The following PDLIM2 variants were observed in gnomAD, a reference collection of about 807,000 sequenced individuals.
PDLIM2 encodes PDZ and LIM domain 2, also known as PDZ and LIM domain protein 2.
Under a neutral mutation model 54.1 loss-of-function variants are expected in PDLIM2, and 51 were observed. The ratio of observed to expected loss-of-function variants is 0.94; its 90% CI spans 0.75 to 1.19. PDLIM2 has a LOEUF of 1.19. PDLIM2 is among the 50% of genes most tolerant of loss of function. PDLIM2 has a pLI of 0.00. For missense variants in PDLIM2, 912 were observed against 874.0 expected (o/e 1.04, Z -0.55); for synonymous variants, 398 against 385.6 (o/e 1.03, Z -0.38).
downstream of PDLIM2, chr8:22,594,436 C>G (rs1042613621): frequency 1.2e-5 from 19 of 1,597,662 alleles, no homozygotes; most frequent in African/African-American, 2.7e-5. Flanking sequence ...TGCCAGTTGC[C>G]TGCACCTGAC....
exon 10 of PDLIM2, chr8:22,593,950 G>A: frequency 6.5e-7 from 1 of 1,535,592 alleles, no homozygotes; most frequent in Non-Finnish European, 8.8e-7. Flanking sequence ...CTGGGCCAGG[G>A]TCATGCCTAT....
Position 22,580,710 on chromosome 8 carries a change from G to T in PDLIM2, c.843+13G>T, listed in dbSNP as rs1420558808. 1.2e-6 allele frequency: 2 copies of T among 1,613,000 alleles called. No individual in the cohort carries two copies. The highest frequency in any genetic ancestry group is 2.2e-5 in the South Asian group (2 of 91,050). ...CATGGTGACTAAGGTAAGGATGGTG[G>T]CTCAAAGAGATGAGAAGGTCCTGCC... On this transcript the variant is annotated intron_variant, in intron 2 of 9. Coordinates refer to ENST00000308354, the Ensembl canonical transcript of PDLIM2.
rs939319743 is a variant in PDLIM2, at chr8:22,585,134, C to T, written c.1183C>T (p.Leu395Phe). 4.3e-6 allele frequency: 7 copies of T among 1,613,704 alleles called. No individual in the cohort carries two copies. Among genetic ancestry groups the T allele is most frequent in the Non-Finnish European group, 5.9e-6 (7 of 1,179,992 alleles). Residue 395 changes from leucine (L) to phenylalanine (F), a missense_variant, in exon 5 of 10, where the codon CTC becomes TTC. Physicochemically the swap from Leu to Phe is conservative, Grantham distance 22 (BLOSUM62 0). Coordinates refer to ENST00000308354, the Ensembl canonical transcript of PDLIM2. ...CTCACCACCACCCTCTAGCAGCTCC[C>T]TCACTGGAGAGGCAGCCATCAGCCG...
downstream of PDLIM2, chr8:22,596,226 G>A (rs1287539315): frequency 6.6e-6 from 1 of 152,344 alleles, no homozygotes; most frequent in Non-Finnish European, 1.5e-5. Context: ...TAGGAGTGGA[G>A]GGGGATAAGT....
downstream of PDLIM2, chr8:22,594,364 G>A (rs1800637788): frequency 1.3e-6 from 2 of 1,491,540 alleles, no homozygotes; most frequent in Non-Finnish European, 8.9e-7. Context: ...ACCACTGGGT[G>A]GAGGGTCTTT....
Position 22,591,727 on chromosome 8 carries a change from G to A in PDLIM2, c.1631+59G>A, listed in dbSNP as rs73672780. 7,710 of 1,479,900 alleles carry A rather than the reference G, an allele frequency of 5.2e-3. 341 individuals are homozygous for A. The African/African-American group carries it at 0.093, about 18-fold the overall frequency. 91.7% of individuals were successfully genotyped at this position (1,479,900 alleles called of 1,614,324 possible). Reference sequence around the variant, plus strand: ...TCACAGGGGAGTGGGGAGGGGGACAGGGCACTGGATGCTTTCAGGAAGGGC... The same window carrying A: ...TCACAGGGGAGTGGGGAGGGGGACAAGGCACTGGATGCTTTCAGGAAGGGC... On this transcript the variant is annotated intron_variant, in intron 9 of 9. Coordinates refer to ENST00000308354, the Ensembl canonical transcript of PDLIM2.
intron 7 of PDLIM2, 70 bp downstream of exon 6, chr8:22,589,444 TC>T (rs904705845): frequency 2.0e-6 from 3 of 1,529,272 alleles, no homozygotes; most frequent in Non-Finnish European, 2.6e-6. Context: ...GAGACGGGCT[TC>T]CCCGAGAGGG....
intron 2 of PDLIM2, 114 bp downstream of exon 1, chr8:22,580,811 T>A: frequency 1.7e-6 from 2 of 1,166,188 alleles, no homozygotes; most frequent in Non-Finnish European, 2.5e-6. Flanking sequence ...AGGGATCTGC[T>A]GCTGCCTGGC....
At chr8:22,596,509 G>C (rs1379248741), downstream of PDLIM2, 1 of 152,186 alleles carries the variant, frequency 6.6e-6, no homozygotes, top group Non-Finnish European at 1.5e-5. Context: ...TTTTACCTCT[G>C]ATCTTGTCCC....
At chr8:22,596,646 G>T (rs936549392), downstream of PDLIM2, 1 of 152,234 alleles carries the variant, frequency 6.6e-6, no homozygotes, top group African/African-American at 2.4e-5. Flanking sequence ...TGAAGTGACA[G>T]ATTAGAGTTA....
At chr8:22,584,395 A>G (rs540042161) in intron 3 of PDLIM2, among the ~76,000 whole-genome samples, 1 of 151,060 alleles carries the variant, frequency 6.6e-6, no homozygotes, top group Non-Finnish European at 1.5e-5. Flanking sequence ...TACAACCTCC[A>G]TCTCCTGGGC....
At position 22,584,695 on chromosome 8, in the gene PDLIM2, G is replaced by A. The variant is rs552554594; in HGVS notation, c.996-126G>A. On this transcript the variant is annotated intron_variant, in intron 3 of 9. Coordinates refer to ENST00000308354, the Ensembl canonical transcript of PDLIM2. ...TTGACAAAGTTAAAAGTTGACAACC[G>A]GATGTCCAAATTTTCTGTAGCTTTT... The A allele has an allele frequency of 8.9e-5, 72 of 806,706 alleles. No individual in the cohort carries two copies. In the African/African-American group the frequency reaches 9.8e-4, roughly 11 times the overall value. The allele number at this position is 806,706 out of a possible 1,614,324, so 50.0% of individuals were successfully genotyped here.
chr8:22,578,976 G>A, exon 1 of PDLIM2: 1 of 1,241,856 alleles, frequency 8.1e-7, no homozygotes, highest in Non-Finnish European at 1.0e-6. Flanking sequence ...CCTGGGGACA[G>A]CCTGCCTCAT....
chr8:22,586,084 G>T (rs1331987029), intron 6 of PDLIM2, among the ~76,000 whole-genome samples: 2 of 152,172 alleles, frequency 1.3e-5, no homozygotes, highest in African/African-American at 4.8e-5. Flanking sequence ...GGCGTGGGGG[G>T]CACGTCCAGC....
At chr8:22,581,326 TC>T (rs1800194676) in intron 2 of PDLIM2, 52 bp from the exon 2 acceptor site, 1 of 1,542,588 alleles carries the variant, frequency 6.5e-7, no homozygotes. Flanking sequence ...GAGTGGGAAG[TC>T]CCTTCTCCAG....
In PDLIM2 at chr8:22,591,354, C is replaced by T. The variant is rs111762470; in HGVS notation, c.1514-197C>T. On this transcript the variant is annotated intron_variant, in intron 8 of 9. Transcript: ENST00000308354. ...TGGATGGGCAAACTCGGCCTTGTAC[C>T]TGCCTCCTTCATGCCCTTGCCCAGC... 3.5e-3 allele frequency: 2,112 copies of T among 611,994 alleles called. 38 individuals are homozygous for T. In the African/African-American group the frequency reaches 0.035, roughly 10 times the overall value. 37.9% of individuals were successfully genotyped at this position (611,994 alleles called of 1,614,324 possible).
At chr8:22,589,815 G>A (rs991976095) in intron 8 of PDLIM2, 74 bp downstream of exon 7, 4 of 1,531,214 alleles carry the variant, frequency 2.6e-6, no homozygotes, top group African/African-American at 2.7e-5. Flanking sequence ...ATGGGTCAGT[G>A]AACCAGTGTT....
intron 1 of PDLIM2, 56 bp from the exon 1 acceptor site, chr8:22,580,419 G>T: frequency 7.2e-7 from 1 of 1,385,344 alleles, no homozygotes; most frequent in Non-Finnish European, 9.5e-7. Flanking sequence ...AGGGTGGGGG[G>T]AAGTGAAACC....
Position 22,589,394 on chromosome 8 carries a change from G to A in PDLIM2, c.1367+20G>A, listed in dbSNP as rs750541016. ...GCCCAGGTACCAGCAGGCCCCGGAG[G>A]GTCGGGTTGGGGTCTTGGAAGGCTG... On this transcript the variant is annotated intron_variant, in intron 7 of 9. Transcript: ENST00000308354. 2.0e-5 allele frequency: 30 copies of A among 1,535,818 alleles called. No individual in the cohort carries two copies. The South Asian group carries it at 3.3e-4, about 17-fold the overall frequency.
Sources: gnomAD v4.1 joint callset for allele counts (sites outside exome capture counted in the v4.1 genomes callset) on GRCh38, gnomAD v4.1.1 for gene constraint, MANE v1.5 for transcripts, NCBI Gene and HGNC (gene_info 2026-07-23, HGNC 2026-07-21) for gene names.